Variants in PSMA2 observed in about 807,000 individuals in gnomAD.
The protein encoded by PSMA2 is proteasome subunit alpha type-2.
PSMA2 carries 2 observed loss-of-function variants against 35.9 expected under a neutral mutation model. The ratio of observed to expected loss-of-function variants is 0.06; its 90% CI spans 0.02 to 0.18. The LOEUF (loss-of-function observed/expected upper bound fraction) is 0.18. Among genes scored for constraint, PSMA2 ranks in the 10% least tolerant of loss-of-function variants. PSMA2 has a pLI of 1.00. For synonymous variants in PSMA2, 97 were observed against 98.2 expected, an observed-to-expected ratio of 0.99 and a Z score of 0.07; for missense variants, 126 against 278.8, an observed-to-expected ratio of 0.45 and a Z score of 3.90.
chr7:42,917,969 C>T, intron 6 of PSMA2, 134 bp from the exon 7 acceptor site: 1 of 613,176 alleles, frequency 1.6e-6, no homozygotes, highest in East Asian at 2.9e-5. Context: ...TTCTTTTAAT[C>T]ACCTCCTTGT....
chr7:42,923,187 C>A, intron 5 of PSMA2, 138 bp downstream of exon 5: 1 of 658,492 alleles, frequency 1.5e-6, no homozygotes. Context: ...CACAAAAATG[C>A]ACAACCTCAT....
chr7:42,931,790 G>A (rs995832700), intron 1 of PSMA2, among the ~76,000 whole-genome samples: 3 of 152,060 alleles, frequency 2.0e-5, no homozygotes, highest in Non-Finnish European at 4.4e-5. Flanking sequence ...AGTTCGGAAC[G>A]GGCCACCCAG....
At chr7:42,929,226 G>C (rs1356860442) in intron 1 of PSMA2, among the ~76,000 whole-genome samples, 2 of 152,078 alleles carry the variant, frequency 1.3e-5, no homozygotes, top group Non-Finnish European at 2.9e-5. Flanking sequence ...CAGCTTTAAG[G>C]CTCTTGATAT....
At chr7:42,925,177 T>G (rs1786189140) in intron 3 of PSMA2, among the ~76,000 whole-genome samples, 1 of 152,168 alleles carries the variant, frequency 6.6e-6, no homozygotes, top group Admixed American at 6.5e-5. Context: ...TTTTCTCACT[T>G]CAGGTCACTA....
intron 1 of PSMA2, chr7:42,931,188 G>C (rs759823052): frequency 2.2e-6 from 1 of 451,832 alleles, no homozygotes; most frequent in South Asian, 1.6e-5. Flanking sequence ...AGTGGAAAGA[G>C]ATGGAGCAGG....
At chr7:42,920,072 C>A in intron 6 of PSMA2, 1 of 607,092 alleles carries the variant, frequency 1.6e-6, no homozygotes, top group South Asian at 1.6e-5. Context: ...TATTCTTCAA[C>A]TCCTCAAGTT....
In PSMA2 at chr7:42,926,517, T is replaced by C. The variant is rs1416468224; in HGVS notation, c.251+19A>G. On this transcript the variant is annotated intron_variant, in intron 3 of 7. Coordinates refer to ENST00000223321, the MANE Select transcript of PSMA2 (RefSeq NM_002787.5). ...CAATTCATGAGATGGTGAGAAACAC[T>C]ATAAAAAGTATAAAGTACCTGTAAT... is the stretch of plus-strand genomic sequence containing the variant. The C allele has an allele frequency of 3.9e-6, 6 of 1,557,252 alleles. No individual in the cohort carries two copies. The highest frequency in any genetic ancestry group is 4.3e-6 in the Non-Finnish European group (5 of 1,160,072).
chr7:42,920,214 G>T (rs1786104625), intron 6 of PSMA2: 2 of 289,246 alleles, frequency 6.9e-6, no homozygotes, highest in Admixed American at 9.3e-5. Context: ...TGAGGAATAT[G>T]AATTAGCTCC....
intron 3 of PSMA2, among the ~76,000 whole-genome samples, chr7:42,925,493 C>T (rs1445014191): frequency 6.6e-6 from 1 of 152,166 alleles, no homozygotes; most frequent in African/African-American, 2.4e-5. Flanking sequence ...CTGACATATT[C>T]CTCTTCTACT....
intron 5 of PSMA2, among the ~76,000 whole-genome samples, chr7:42,922,141 C>A (rs1786137217): frequency 6.6e-6 from 1 of 152,020 alleles, no homozygotes; most frequent in Non-Finnish European, 1.5e-5. Context: ...TTTGGAGGTT[C>A]TGGAAATTTT....
chr7:42,928,916 T>TA (rs1461488428), intron 1 of PSMA2, among the ~76,000 whole-genome samples: 1 of 152,178 alleles, frequency 6.6e-6, no homozygotes, highest in Non-Finnish European at 1.5e-5. Context: ...GTTGAATACC[T>TA]ATTCACTGAT....
chr7:42,919,444 C>T, intron 6 of PSMA2: 1 of 543,272 alleles, frequency 1.8e-6, no homozygotes. Flanking sequence ...AAACCCGAAG[C>T]AGAACCTGAG....
At chr7:42,930,330 G>C (rs916598252) in intron 1 of PSMA2, among the ~76,000 whole-genome samples, 1 of 152,034 alleles carries the variant, frequency 6.6e-6, no homozygotes, top group African/African-American at 2.4e-5. Flanking sequence ...CAGAATCACA[G>C]CTCACTGAAT....
intron 6 of PSMA2, chr7:42,918,073 C>CTTTT (rs56108431): frequency 9.0e-5 from 15 of 167,446 alleles, no homozygotes; most frequent in East Asian, 1.4e-4. Context: ...GTTTAGGAAA[C>CTTTT]TTTTTTTTTT....
chr7:42,925,228 G>A (rs978455554), intron 3 of PSMA2, among the ~76,000 whole-genome samples: 28 of 152,212 alleles, frequency 1.8e-4, no homozygotes, highest in Middle Eastern at 3.4e-3. Flanking sequence ...TGTGCTTCAC[G>A]GAGTACCCTT....
chr7:42,925,747 T>C (rs1458764983), intron 3 of PSMA2, among the ~76,000 whole-genome samples: 1 of 152,218 alleles, frequency 6.6e-6, no homozygotes, highest in African/African-American at 2.4e-5. Flanking sequence ...TCATGTCCCA[T>C]CCCTCAGTTT....
At chr7:42,919,730 A>T (rs1340985223) in intron 6 of PSMA2, 2 of 602,476 alleles carry the variant, frequency 3.3e-6, no homozygotes, top group South Asian at 3.3e-5. Context: ...ATTAACTCTG[A>T]ATCTCTTCAC....
chr7:42,928,644 C>G (rs1451201981), intron 1 of PSMA2, among the ~76,000 whole-genome samples: 1 of 152,196 alleles, frequency 6.6e-6, no homozygotes, highest in Non-Finnish European at 1.5e-5. Context: ...AGTGACACAG[C>G]TAGGTCCTTA....
At chr7:42,928,873 C>G (rs1786252189) in intron 1 of PSMA2, among the ~76,000 whole-genome samples, 1 of 152,168 alleles carries the variant, frequency 6.6e-6, no homozygotes, top group African/African-American at 2.4e-5. Flanking sequence ...CAATCATGTC[C>G]TAAGGGAAGT....
Sources: allele counts gnomAD v4.1 joint callset (sites outside exome capture counted in the v4.1 genomes callset), GRCh38; gene constraint gnomAD v4.1.1; transcripts MANE v1.5; gene names NCBI Gene and HGNC (gene_info 2026-07-23, HGNC 2026-07-21).